The following CAMTA1 variants were observed in gnomAD, a reference collection of about 807,000 sequenced individuals.
CAMTA1 encodes calmodulin binding transcription activator 1.
In CAMTA1, 27 loss-of-function variants were observed where a neutral mutation model predicts 170.9. The observed-to-expected ratio is 0.16, with a 90% CI of 0.12 to 0.22. The LOEUF (loss-of-function observed/expected upper bound fraction) is 0.22. Among genes scored for constraint, CAMTA1 ranks in the 10% least tolerant of loss-of-function variants. The pLI is 1.00. For synonymous variants in CAMTA1, 833 were observed against 891.5 expected (o/e 0.93, Z 1.17); for missense variants, 1,619 against 2,217.2 (o/e 0.73, Z 5.42).
intron 6 of CAMTA1, among the ~76,000 whole-genome samples, chr1:7,595,478 A>C (rs1391351237): frequency 6.6e-6 from 1 of 152,228 alleles, no homozygotes; most frequent in Non-Finnish European, 1.5e-5. Context: ...TAAACGAAGA[A>C]GGTGGGAAGC....
At chr1:7,068,827 T>G (rs542455638) in intron 3 of CAMTA1, among the ~76,000 whole-genome samples, 24 of 152,150 alleles carry the variant, frequency 1.6e-4, no homozygotes, top group Non-Finnish European at 2.9e-4. Context: ...ATCTTCTTTC[T>G]CTTTCTTATT....
At chr1:6,867,826 G>A (rs1290068938) in intron 3 of CAMTA1, among the ~76,000 whole-genome samples, 1 of 151,382 alleles carries the variant, frequency 6.6e-6, no homozygotes, top group African/African-American at 2.4e-5. Flanking sequence ...CTCCCCCAGA[G>A]ACTGGGTCTT....
intron 3 of CAMTA1, among the ~76,000 whole-genome samples, chr1:7,049,589 T>A (rs1705976851): frequency 6.6e-6 from 1 of 152,108 alleles, no homozygotes; most frequent in Non-Finnish European, 1.5e-5. Context: ...CCTGAGTAGC[T>A]GGGATTATAG....
At chr1:7,519,428 G>A (rs891907245) in intron 6 of CAMTA1, among the ~76,000 whole-genome samples, 2 of 151,984 alleles carry the variant, frequency 1.3e-5, no homozygotes, top group African/African-American at 4.8e-5. Context: ...CTGGAGCCTG[G>A]TGTGGAGGGG....
chr1:7,623,236 G>T (rs1046241527), intron 6 of CAMTA1, among the ~76,000 whole-genome samples: 1 of 152,138 alleles, frequency 6.6e-6, no homozygotes, highest in African/African-American at 2.4e-5. Flanking sequence ...GCCAGTCCCT[G>T]GTATCTTGTG....
chr1:7,742,681 G>A (rs2096827255), intron 16 of CAMTA1, among the ~76,000 whole-genome samples: 1 of 152,194 alleles, frequency 6.6e-6, no homozygotes, highest in Admixed American at 6.5e-5. Context: ...ATTTAGGAAA[G>A]TGATTGTAGA....
intron 6 of CAMTA1, among the ~76,000 whole-genome samples, chr1:7,473,604 C>G (rs1336558252): frequency 6.6e-6 from 1 of 152,248 alleles, no homozygotes; most frequent in Non-Finnish European, 1.5e-5. Context: ...GTCCTCCCTT[C>G]ATGCTGCAGC....
intron 4 of CAMTA1, among the ~76,000 whole-genome samples, chr1:7,172,293 G>A (rs1649793186): frequency 6.6e-6 from 1 of 152,150 alleles, no homozygotes; most frequent in East Asian, 1.9e-4. Context: ...GGGATTACAG[G>A]TGCCTGCCAC....
chr1:7,601,389 C>T (rs1286347393), intron 6 of CAMTA1, among the ~76,000 whole-genome samples: 2 of 151,402 alleles, frequency 1.3e-5, no homozygotes, highest in African/African-American at 2.4e-5. Context: ...GATGGGCGGC[C>T]TGGCAGAGAC....
At chr1:7,363,905 G>A (rs1279111534) in intron 5 of CAMTA1, among the ~76,000 whole-genome samples, 3 of 152,122 alleles carry the variant, frequency 2.0e-5, no homozygotes, top group Admixed American at 1.3e-4. Flanking sequence ...CCCAGGGACC[G>A]GGAACACTTG....
chr1:7,195,941 C>A lies in CAMTA1; in HGVS notation c.303-53550C>A, dbSNP rs948317624. ...GCTGAGGCAGGAGAATCACTTGAAC[C>A]AGGAGGTGGAGGTTGCAGTGAGCTG... is the stretch of plus-strand genomic sequence containing the variant. On this transcript the variant is annotated intron_variant, in intron 4 of 22. Coordinates refer to ENST00000303635, the MANE Select transcript of CAMTA1 (RefSeq NM_015215.4). The surrounding 1 kb of genome is among the most constrained non-coding windows in gnomAD (Gnocchi z 4.1). 6.6e-6 allele frequency among the ~76,000 whole-genome samples: 1 copy of A among 152,104 alleles called. No individual in the cohort carries two copies. Among genetic ancestry groups the A allele is most frequent in the Non-Finnish European group, 1.5e-5 (1 of 68,008 alleles).
intron 3 of CAMTA1, among the ~76,000 whole-genome samples, chr1:7,070,072 C>T (rs973898566): frequency 3.3e-5 from 5 of 152,190 alleles, no homozygotes; most frequent in Non-Finnish European, 2.9e-5. Flanking sequence ...GAAGGATGCA[C>T]CCTTTGCTCT....
intron 3 of CAMTA1, among the ~76,000 whole-genome samples, chr1:7,083,630 G>A (rs1479364632): frequency 6.6e-6 from 1 of 152,224 alleles, no homozygotes; most frequent in Non-Finnish European, 1.5e-5. Context: ...CGGTGGGGAA[G>A]ATGCCACTGG....
intron 6 of CAMTA1, among the ~76,000 whole-genome samples, chr1:7,542,838 A>AGTTTTTGTGTGTGT (rs745940570): frequency 1.8e-5 from 1 of 56,002 alleles, no homozygotes; most frequent in Non-Finnish European, 4.0e-5. Flanking sequence ...CCTAAAACAC[A>AGTTTTTGTGTGTGT]GTGTGTGTGT....
At chr1:7,085,436 A>G (rs1040425835) in intron 3 of CAMTA1, among the ~76,000 whole-genome samples, 7 of 152,224 alleles carry the variant, frequency 4.6e-5, no homozygotes, top group Admixed American at 2.6e-4. Context: ...ACGGGGCTCT[A>G]CAGTGACAGA....
At chr1:7,103,829 C>T (rs1306428214) in intron 4 of CAMTA1, among the ~76,000 whole-genome samples, 2 of 82,190 alleles carry the variant, frequency 2.4e-5, no homozygotes, top group East Asian at 7.6e-4. Context: ...CACATGCACA[C>T]ACAACTACAC....
intron 3 of CAMTA1, among the ~76,000 whole-genome samples, chr1:7,066,083 C>A (rs559938318): frequency 6.6e-6 from 1 of 152,310 alleles, no homozygotes; most frequent in South Asian, 2.1e-4. Context: ...TGACCTCATA[C>A]CTGTTTATGT....
At chr1:7,227,649 G>C (rs928418829) in intron 4 of CAMTA1, among the ~76,000 whole-genome samples, 15 of 152,170 alleles carry the variant, frequency 9.9e-5, no homozygotes, top group African/African-American at 3.6e-4. Flanking sequence ...CTTTGTAAAC[G>C]TCAAGTTTCT....
chr1:7,382,830 TGATAGATAGATAGATAGATAGATA>T (rs36215258), intron 5 of CAMTA1: 2 of 149,186 alleles, frequency 1.3e-5, no homozygotes, highest in African/African-American at 2.5e-5. Context: ...GCTTCCTAGA[TGATAGATAGATAGATAGATAGATA>T]GATAGATAGA....
Sources: allele counts gnomAD v4.1 joint callset (sites outside exome capture counted in the v4.1 genomes callset), GRCh38; gene constraint gnomAD v4.1.1; non-coding constraint Gnocchi (gnomAD v3.1); transcripts MANE v1.5; gene names NCBI Gene and HGNC (gene_info 2026-07-23, HGNC 2026-07-21).